SYTL3: variants seen among roughly 807,000 people sequenced by gnomAD.
SYTL3 encodes the protein synaptotagmin-like protein 3.
SYTL3 carries 88 observed loss-of-function variants against 82.1 expected under a neutral mutation model. The observed-to-expected ratio is 1.07, with a 90% confidence interval of 0.90 to 1.28. SYTL3 has a LOEUF of 1.28. Among genes scored for constraint, SYTL3 ranks in the 50% most tolerant of loss-of-function variants. The pLI is 0.00. For synonymous variants in SYTL3, 311 were observed against 289.4 expected, an observed-to-expected ratio of 1.07 and a Z score of -0.76; for missense variants, 831 against 757.6, an observed-to-expected ratio of 1.10 and a Z score of -1.14.
At chr6:158,696,821 C>T (rs187328711) in intron 6 of SYTL3, among the ~76,000 whole-genome samples, 82 of 151,992 alleles carry the variant, frequency 5.4e-4, no homozygotes, top group Admixed American at 3.5e-3. Context: ...GATATAAAGA[C>T]GGACATATAG....
Position 158,743,271 on chromosome 6 carries a change from G to A in SYTL3, c.856-2209G>A, listed in dbSNP as rs368193886. Among the ~76,000 whole-genome samples the A allele has an allele frequency of 3.3e-5, 5 of 152,334 alleles. No homozygotes were observed. The East Asian group carries it at 5.8e-4, about 18-fold the overall frequency. ...CTTGAAGTGAAAGGCAGCTCCGGAT[G>A]TCAGGCTTACTTCCATGTGCTTCTC... is the stretch of plus-strand genomic sequence containing the variant. On this transcript the variant is annotated intron_variant, in intron 11 of 17. Transcript: ENST00000611299.
rs571381475 is a variant in SYTL3 at position 158,692,257 on chromosome 6, C to CAAAAAAAAA, written c.394+9298_394+9306dup. Among the ~76,000 whole-genome samples the CAAAAAAAAA allele has an allele frequency of 4.0e-4, 13 of 32,196 alleles. 1 individual carries two copies. The highest frequency in any genetic ancestry group is 7.1e-4 in the African/African-American group (8 of 11,258). The allele number at this position is 32,196 out of a possible 152,430, so 21.1% of individuals were successfully genotyped here. A position where few individuals can be genotyped will look rare whatever the true frequency, so the allele number is the denominator to read the frequency against. ...TGGGCGACAGAGCGAGACTCCGTCT[C>CAAAAAAAAA]AAAAAAAAAAAAAAAAAAAAAAAAA... is the stretch of plus-strand genomic sequence containing the variant. On this transcript the variant is annotated intron_variant, in intron 6 of 17. Coordinates refer to ENST00000611299, the MANE Select transcript of SYTL3 (RefSeq NM_001242394.2).
chr6:158,697,213 T>C (rs1296783953), intron 6 of SYTL3, among the ~76,000 whole-genome samples: 1 of 138,730 alleles, frequency 7.2e-6, no homozygotes, highest in African/African-American at 2.7e-5. Flanking sequence ...CCCAGGTGGG[T>C]GGATTGCTTG....
At chr6:158,762,044 G>A in intron 15 of SYTL3, 32 bp from the exon 16 acceptor site, 1 of 1,522,364 alleles carries the variant, frequency 6.6e-7, no homozygotes, top group Non-Finnish European at 9.1e-7. Context: ...CAGGAGACAT[G>A]GTTTGACAGT....
chr6:158,672,758 A>G (rs570389010), intron 5 of SYTL3, among the ~76,000 whole-genome samples: 145 of 151,784 alleles, frequency 9.6e-4, no homozygotes, highest in Non-Finnish European at 1.7e-3. Context: ...CAGTTTCCCT[A>G]GTAGCTGAGA....
At chr6:158,743,122 C>T (rs1369893492) in intron 11 of SYTL3, among the ~76,000 whole-genome samples, 1 of 152,170 alleles carries the variant, frequency 6.6e-6, no homozygotes, top group Admixed American at 6.5e-5. Flanking sequence ...TTTTGATTGA[C>T]ATCTTGGCCG....
At chr6:158,751,590 T>C (rs907692570) in intron 12 of SYTL3, among the ~76,000 whole-genome samples, 2 of 152,214 alleles carry the variant, frequency 1.3e-5, no homozygotes, top group East Asian at 3.8e-4. Flanking sequence ...ATCCGGCTCA[T>C]GGCCTTGACA....
chr6:158,680,639 C>T (rs1013126810), intron 5 of SYTL3, among the ~76,000 whole-genome samples: 4 of 150,834 alleles, frequency 2.7e-5, no homozygotes, highest in Admixed American at 2.0e-4. Flanking sequence ...TTAGTGTCAG[C>T]TACTCAGGAG....
At chr6:158,692,177 G>C (rs1779956754) in intron 6 of SYTL3, among the ~76,000 whole-genome samples, 1 of 134,412 alleles carries the variant, frequency 7.4e-6, no homozygotes, top group Admixed American at 8.4e-5. Flanking sequence ...AGAATGGTGG[G>C]AACTTGGGAA....
chr6:158,679,789 G>T lies in SYTL3; in HGVS notation c.330-3136G>T, dbSNP rs545291117. Among the ~76,000 whole-genome samples, 8 of 152,308 alleles carry T rather than the reference G, an allele frequency of 5.3e-5. No individual in the cohort carries two copies. The South Asian group carries it at 6.2e-4, about 12-fold the overall frequency. On this transcript the variant is annotated intron_variant, in intron 5 of 17. Coordinates refer to ENST00000611299, the MANE Select transcript of SYTL3 (RefSeq NM_001242394.2). ...AAACCAGGGCTGGAGTCCTTTCAAT[G>T]ATTTGCAATGTTCATTCACTTAGGC...
At chr6:158,706,722 A>G (rs965970466) in intron 6 of SYTL3, among the ~76,000 whole-genome samples, 2 of 152,256 alleles carry the variant, frequency 1.3e-5, no homozygotes, top group African/African-American at 4.8e-5. Context: ...CAAAAAGAGT[A>G]CTATATCAGA....
Position 158,707,224 on chromosome 6 carries a change from T to C in SYTL3, c.395-6T>C. On this transcript the variant is annotated splice_region_variant and splice_polypyrimidine_tract_variant and intron_variant, in intron 6 of 17. Coordinates refer to ENST00000611299, the MANE Select transcript of SYTL3 (RefSeq NM_001242394.2). Reference sequence around the variant, plus strand: ...AATAAACGCCCTCTATGGATATCTCTCGCAGGCAAACATGAGACAGTTGGA... The same window carrying C: ...AATAAACGCCCTCTATGGATATCTCCCGCAGGCAAACATGAGACAGTTGGA... 6.2e-7 allele frequency: 1 copy of C among 1,613,834 alleles called. No homozygotes were observed.
rs538323728 is a variant in SYTL3 at position 158,657,915 on chromosome 6, C to T, written c.-636-3354C>T. On this transcript the variant is annotated intron_variant, in intron 2 of 17. Transcript: ENST00000611299. ...AACTTATTACTATTATTTTTTGAGA[C>T]GGAGTCTTGCTCTGTCGCCCAGGCT... 8.0e-5 allele frequency among the ~76,000 whole-genome samples: 12 copies of T among 149,916 alleles called. 1 individual carries two copies. The highest frequency in any genetic ancestry group is 2.5e-4 in the African/African-American group (10 of 40,540).
At chr6:158,671,050 C>T (rs1407289527) in intron 5 of SYTL3, among the ~76,000 whole-genome samples, 5 of 152,008 alleles carry the variant, frequency 3.3e-5, no homozygotes, top group East Asian at 1.9e-4. Flanking sequence ...GTGTTCCGCC[C>T]GCCTCAGCCT....
chr6:158,702,708 C>T (rs893667352), intron 6 of SYTL3, among the ~76,000 whole-genome samples: 3 of 151,914 alleles, frequency 2.0e-5, no homozygotes, highest in African/African-American at 7.3e-5. Context: ...TGGTCTTGTC[C>T]CCACCCGCTC....
At chr6:158,652,210 G>T (rs190289408) in intron 2 of SYTL3, among the ~76,000 whole-genome samples, 2 of 150,428 alleles carry the variant, frequency 1.3e-5, no homozygotes, top group Non-Finnish European at 3.0e-5. Flanking sequence ...TTACAGGTGT[G>T]AGCCACCGAG....
At chr6:158,760,187 C>T (rs779894722) in intron 14 of SYTL3, among the ~76,000 whole-genome samples, 1 of 152,180 alleles carries the variant, frequency 6.6e-6, no homozygotes, top group Non-Finnish European at 1.5e-5. Flanking sequence ...CCCCCTGTGG[C>T]TCTGGACAGA....
intron 6 of SYTL3, among the ~76,000 whole-genome samples, chr6:158,703,194 G>A (rs989564394): frequency 6.7e-6 from 1 of 149,096 alleles, no homozygotes; most frequent in African/African-American, 2.5e-5. Flanking sequence ...ATGACACCTG[G>A]CAACCACCCG....
intron 11 of SYTL3, among the ~76,000 whole-genome samples, chr6:158,729,767 C>T (rs1049573981): frequency 4.0e-5 from 6 of 151,884 alleles, no homozygotes; most frequent in Admixed American, 6.6e-5. Context: ...AGGGTTTCAC[C>T]GTGTTAGCCA....
Sources: gnomAD v4.1 joint callset for allele counts (sites outside exome capture counted in the v4.1 genomes callset) on GRCh38, gnomAD v4.1.1 for gene constraint, MANE v1.5 for transcripts, NCBI Gene and HGNC (gene_info 2026-07-23, HGNC 2026-07-21) for gene names.